DMGDH: variants seen among roughly 807,000 people sequenced by gnomAD.
The protein encoded by DMGDH is dimethylglycine dehydrogenase, also known as dimethylglycine dehydrogenase, mitochondrial.
Under a neutral mutation model 95.2 loss-of-function variants are expected in DMGDH, and 76 were observed. That is an observed-to-expected ratio of 0.80 (90% CI 0.66 to 0.97). DMGDH has a LOEUF of 0.97. Among genes scored for constraint, DMGDH ranks in the 50% least tolerant of loss-of-function variants. The probability of loss-of-function intolerance (pLI) is 0.00; values close to 1 mark genes in which losing one functional copy is unlikely to be tolerated. For synonymous variants in DMGDH, 345 were observed against 377.6 expected, an observed-to-expected ratio of 0.91 and a Z score of 1.00; for missense variants, 987 against 1,055.0, an observed-to-expected ratio of 0.94 and a Z score of 0.89.
chr5:79,051,161 C>G, intron 5 of DMGDH, 126 bp downstream of exon 5: 1 of 1,087,648 alleles, frequency 9.2e-7, no homozygotes, highest in Non-Finnish European at 1.4e-6. Context: ...TAGAAACAGA[C>G]AAAATGTTTA....
At chr5:79,035,056 C>CAA (rs10586049) in intron 7 of DMGDH, among the ~76,000 whole-genome samples, 34 of 78,318 alleles carry the variant, frequency 4.3e-4, no homozygotes, top group African/African-American at 1.2e-3. Context: ...GACTCCATCT[C>CAA]AAAAAAAAAA....
At chr5:79,033,459 A>G in intron 7 of DMGDH, 51 bp from the exon 8 acceptor site, 2 of 1,601,390 alleles carry the variant, frequency 1.2e-6, no homozygotes, top group East Asian at 2.2e-5. Flanking sequence ...TAGTTTTCAA[A>G]TGAAACATAA....
In DMGDH at chr5:79,028,670, A is replaced by G. The variant is rs1462629454; in HGVS notation, c.1815-20T>C. On this transcript the variant is annotated intron_variant, in intron 11 of 15. Coordinates refer to ENST00000255189, the MANE Select transcript of DMGDH (RefSeq NM_013391.3). ...ATCCATCTGCGTTTTAGTCATGAAC[A>G]TGGTGTTAAATATTGCTTGAATAAT... The G allele has an allele frequency of 1.2e-6, 2 of 1,610,286 alleles. No homozygotes were observed. The highest frequency in any genetic ancestry group is 1.3e-5 in the African/African-American group (1 of 74,860).
At chr5:79,060,087 A>C (rs1195307303) in intron 2 of DMGDH, among the ~76,000 whole-genome samples, 1 of 152,248 alleles carries the variant, frequency 6.6e-6, no homozygotes, top group Non-Finnish European at 1.5e-5. Flanking sequence ...CCTTGAAATC[A>C]TACACAACAC....
At chr5:79,011,251 G>C (rs1462687988) in intron 14 of DMGDH, among the ~76,000 whole-genome samples, 1 of 152,122 alleles carries the variant, frequency 6.6e-6, no homozygotes, top group East Asian at 1.9e-4. Context: ...CTTAAAGCAA[G>C]CAGAAAACTT....
intron 2 of DMGDH, among the ~76,000 whole-genome samples, chr5:79,057,576 C>T (rs1431081378): frequency 6.6e-6 from 1 of 151,920 alleles, no homozygotes; most frequent in African/African-American, 2.4e-5. Flanking sequence ...AGTAGCACAG[C>T]TCCATGTGGA....
intron 15 of DMGDH, among the ~76,000 whole-genome samples, chr5:79,003,440 G>A (rs1018332445): frequency 2.6e-5 from 4 of 152,172 alleles, no homozygotes; most frequent in African/African-American, 9.7e-5. Flanking sequence ...CTGAACCAGA[G>A]ATACAGAACA....
chr5:79,024,801 G>A (rs984773505), intron 13 of DMGDH, among the ~76,000 whole-genome samples: 1 of 152,252 alleles, frequency 6.6e-6, no homozygotes, highest in East Asian at 1.9e-4. Context: ...AGCGGAGTTT[G>A]AATCTGTATC....
At chr5:79,057,722 T>C (rs7724345) in intron 2 of DMGDH, among the ~76,000 whole-genome samples, 10,828 of 152,196 alleles carry the variant, frequency 0.071, 861 homozygotes, top group African/African-American at 0.18. Flanking sequence ...AGAGAATCTC[T>C]GGCCTTCAGG....
intron 13 of DMGDH, 112 bp downstream of exon 13, chr5:79,026,312 T>C: frequency 1.5e-6 from 2 of 1,313,056 alleles, no homozygotes; most frequent in Non-Finnish European, 1.1e-6. Flanking sequence ...TATCTAATGA[T>C]ATGTAATTTC....
chr5:79,013,061 T>C (rs1201773084), intron 14 of DMGDH, among the ~76,000 whole-genome samples: 15 of 152,222 alleles, frequency 9.9e-5, no homozygotes, highest in Non-Finnish European at 1.9e-4. Context: ...ATGGTCAGGT[T>C]GCACATTTTC....
At chr5:79,024,626 A>G (rs1170963650) in intron 13 of DMGDH, among the ~76,000 whole-genome samples, 3 of 152,192 alleles carry the variant, frequency 2.0e-5, no homozygotes, top group Non-Finnish European at 4.4e-5. Flanking sequence ...TTCTTCTAGA[A>G]ACAAGATTTT....
At chr5:79,036,221 C>T (rs1754344443) in intron 7 of DMGDH, among the ~76,000 whole-genome samples, 1 of 152,146 alleles carries the variant, frequency 6.6e-6, no homozygotes, top group Non-Finnish European at 1.5e-5. Flanking sequence ...CTTGTATGAC[C>T]AGTTGAAAGG....
At chr5:79,057,262 A>C (rs1322090614) in intron 2 of DMGDH, among the ~76,000 whole-genome samples, 1 of 152,214 alleles carries the variant, frequency 6.6e-6, no homozygotes, top group Non-Finnish European at 1.5e-5. Flanking sequence ...AATTCTAAGC[A>C]ATTATTTGAA....
At chr5:79,046,056 GTGTTT>G (rs71974072) in intron 5 of DMGDH, among the ~76,000 whole-genome samples, 61,638 of 147,572 alleles carry the variant, frequency 0.42, 14,458 homozygotes, top group East Asian at 0.62. Context: ...CTATTTGCCG[GTGTTT>G]TGTTTTGTTT....
At chr5:79,063,584 C>G in intron 2 of DMGDH, 29 bp downstream of exon 2, 1 of 1,614,114 alleles carries the variant, frequency 6.2e-7, no homozygotes, top group Non-Finnish European at 8.5e-7. Flanking sequence ...CAATTCCACG[C>G]TTATGACAGT....
chr5:79,006,518 T>C (rs1433104644), intron 14 of DMGDH, among the ~76,000 whole-genome samples: 2 of 152,178 alleles, frequency 1.3e-5, no homozygotes, highest in Non-Finnish European at 2.9e-5. Context: ...CAAGCATCTC[T>C]TATGTGAAGG....
intron 2 of DMGDH, among the ~76,000 whole-genome samples, chr5:79,060,789 C>T (rs370938796): frequency 1.6e-4 from 25 of 151,804 alleles, no homozygotes; most frequent in African/African-American, 3.6e-4. Flanking sequence ...TGTGGTGGTG[C>T]GCACCTGTAG....
At chr5:79,038,408 C>T (rs1331392554) in intron 7 of DMGDH, among the ~76,000 whole-genome samples, 8 of 152,038 alleles carry the variant, frequency 5.3e-5, no homozygotes, top group African/African-American at 9.7e-5. Context: ...TGCTTGAACC[C>T]GGGAGGTGGA....
Sources: allele counts gnomAD v4.1 joint callset (sites outside exome capture counted in the v4.1 genomes callset), GRCh38; gene constraint gnomAD v4.1.1; transcripts MANE v1.5; gene names NCBI Gene and HGNC (gene_info 2026-07-23, HGNC 2026-07-21).